Variants in IL1RAPL2 observed in about 807,000 individuals in gnomAD.
IL1RAPL2 encodes X-linked interleukin-1 receptor accessory protein-like 2.
Under a neutral mutation model 44.1 loss-of-function variants are expected in IL1RAPL2, and 3 were observed. The observed-to-expected ratio is 0.07, with a 90% CI of 0.03 to 0.18. The LOEUF (loss-of-function observed/expected upper bound fraction) is 0.18, where lower values mean the gene tolerates loss of function less well. Among genes scored for constraint, IL1RAPL2 ranks in the 10% least tolerant of loss-of-function variants. The pLI, the probability that IL1RAPL2 is intolerant of heterozygous loss-of-function variation, is 1.00. For missense variants in IL1RAPL2, 391 were observed against 496.4 expected (o/e 0.79, Z 2.02); for synonymous variants, 181 against 178.8 (o/e 1.01, Z -0.10).
chrX:105,076,663 A>G (rs1463885330), intron 2 of IL1RAPL2, among the ~76,000 whole-genome samples: 1 of 110,760 alleles, frequency 9.0e-6, no homozygotes, highest in Non-Finnish European at 1.9e-5. Flanking sequence ...TCCCATTATT[A>G]TTGTGTGGTG....
intron 2 of IL1RAPL2, among the ~76,000 whole-genome samples, chrX:104,700,484 T>C (rs1931256587): frequency 8.9e-6 from 1 of 112,120 alleles, no homozygotes; most frequent in African/African-American, 3.2e-5. Context: ...TGACTCTAGT[T>C]TTACGGCATG....
Position 104,950,921 on chromosome X carries a change from G to A in IL1RAPL2, c.83-244554G>A, listed in dbSNP as rs1230139459. On this transcript the variant is annotated intron_variant, in intron 2 of 10. Transcript: ENST00000372582. Reference sequence around the variant, plus strand: ...GCCCGTTTGAAAAGCGCAGTATTTGGGTGGGAGTGACCTGATTTTCCAGGT... The same window carrying A: ...GCCCGTTTGAAAAGCGCAGTATTTGAGTGGGAGTGACCTGATTTTCCAGGT... Among the ~76,000 whole-genome samples, 50 of 111,191 alleles carry A rather than the reference G, an allele frequency of 4.5e-4. 2 individuals are homozygous for A.
intron 2 of IL1RAPL2, among the ~76,000 whole-genome samples, chrX:104,918,696 T>C (rs777818150): frequency 3.6e-5 from 4 of 111,988 alleles, no homozygotes; most frequent in African/African-American, 1.3e-4. Context: ...TGACTAGTAA[T>C]TCTCAATATG....
chrX:105,175,931 C>A (rs1359879151), intron 2 of IL1RAPL2, among the ~76,000 whole-genome samples: 4 of 110,294 alleles, frequency 3.6e-5, no homozygotes, highest in Non-Finnish European at 7.6e-5. Flanking sequence ...ATGGTATGAC[C>A]ATTTAGTTAT....
At chrX:105,150,367 C>T (rs1048585706) in intron 2 of IL1RAPL2, among the ~76,000 whole-genome samples, 10 of 111,784 alleles carry the variant, frequency 8.9e-5, no homozygotes, top group African/African-American at 3.3e-4. Context: ...TTCCACTAGG[C>T]CCATTGAGGG....
intron 2 of IL1RAPL2, among the ~76,000 whole-genome samples, chrX:105,006,830 G>A (rs1402524526): frequency 2.7e-5 from 3 of 111,348 alleles, no homozygotes; most frequent in Non-Finnish European, 5.7e-5. Context: ...CACATAGGTA[G>A]GATAACTGCA....
At chrX:104,938,615 T>G (rs951766032) in intron 2 of IL1RAPL2, among the ~76,000 whole-genome samples, 1 of 111,037 alleles carries the variant, frequency 9.0e-6, no homozygotes, top group African/African-American at 3.3e-5. Flanking sequence ...CCCTTTTGTT[T>G]TCTGCTCTAG....
intron 2 of IL1RAPL2, among the ~76,000 whole-genome samples, chrX:104,661,884 C>T (rs954442141): frequency 9.0e-6 from 1 of 111,512 alleles, no homozygotes; most frequent in East Asian, 2.8e-4. Context: ...AAATGAAAAA[C>T]GATTGCACCC....
At chrX:105,112,949 T>C (rs1038397229) in intron 2 of IL1RAPL2, among the ~76,000 whole-genome samples, 2 of 112,786 alleles carry the variant, frequency 1.8e-5, no homozygotes, top group Non-Finnish European at 3.7e-5. Flanking sequence ...CCAGGCCTAC[T>C]TTAGAAGTGT....
At chrX:105,620,145 C>T (rs2037409363) in intron 6 of IL1RAPL2, among the ~76,000 whole-genome samples, 1 of 111,271 alleles carries the variant, frequency 9.0e-6, no homozygotes, top group Admixed American at 9.6e-5. Flanking sequence ...AAAGAGTCCT[C>T]ATTAAAATGA....
intron 6 of IL1RAPL2, among the ~76,000 whole-genome samples, chrX:105,567,713 T>C (rs1016356993): frequency 8.9e-6 from 1 of 111,851 alleles, no homozygotes; most frequent in Admixed American, 9.5e-5. Flanking sequence ...GGAAGACTGA[T>C]ATATAAAATC....
chrX:105,077,392 A>G (rs940615996), intron 2 of IL1RAPL2, among the ~76,000 whole-genome samples: 32 of 112,114 alleles, frequency 2.9e-4, no homozygotes, highest in African/African-American at 9.1e-4. Context: ...TCTGGCTTGT[A>G]GAGTTTCTGC....
chrX:105,239,524 T>C (rs977597462), intron 4 of IL1RAPL2, among the ~76,000 whole-genome samples: 2 of 111,415 alleles, frequency 1.8e-5, no homozygotes, highest in African/African-American at 3.3e-5. Flanking sequence ...TTCACCTACA[T>C]TGGGCCTTCA....
rs988115358 is a variant in IL1RAPL2, at chrX:105,049,281, A to G, written c.83-146194A>G. Reference sequence around the variant, plus strand: ...AAAATGCTGACATATCTTTGAAAATATTATAATCTTAGCTGGCACTATGAC... The same window carrying G: ...AAAATGCTGACATATCTTTGAAAATGTTATAATCTTAGCTGGCACTATGAC... On this transcript the variant is annotated intron_variant, in intron 2 of 10. Coordinates refer to ENST00000372582, the MANE Select transcript of IL1RAPL2 (RefSeq NM_017416.2). 5.4e-5 allele frequency among the ~76,000 whole-genome samples: 6 copies of G among 111,357 alleles called. 1 individual carries two copies. In the Admixed American group the frequency reaches 5.8e-4, roughly 11 times the overall value.
At chrX:105,662,775 G>A (rs2037730357) in intron 6 of IL1RAPL2, among the ~76,000 whole-genome samples, 1 of 111,651 alleles carries the variant, frequency 9.0e-6, no homozygotes, top group African/African-American at 3.3e-5. Context: ...AGAAACTGAG[G>A]CTTCCTGCTA....
chrX:105,240,529 G>A (rs934629524), intron 4 of IL1RAPL2, among the ~76,000 whole-genome samples: 1 of 111,848 alleles, frequency 8.9e-6, no homozygotes, highest in Non-Finnish European at 1.9e-5. Context: ...TGAGAAACCC[G>A]TATTCAAGAG....
chrX:105,550,159 A>C (rs7062623), intron 6 of IL1RAPL2, among the ~76,000 whole-genome samples: 1,610 of 111,962 alleles, frequency 0.014, 23 homozygotes, highest in African/African-American at 0.049. Context: ...AGGGAGAGGC[A>C]GGTGAATAGG....
At chrX:105,109,223 A>G (rs1297030438) in intron 2 of IL1RAPL2, among the ~76,000 whole-genome samples, 1 of 111,935 alleles carries the variant, frequency 8.9e-6, no homozygotes, top group Non-Finnish European at 1.9e-5. Context: ...CTTAAGTTTC[A>G]TGAAGGCCAG....
intron 2 of IL1RAPL2, among the ~76,000 whole-genome samples, chrX:104,910,113 T>A (rs1924184160): frequency 8.9e-6 from 1 of 112,117 alleles, no homozygotes; most frequent in South Asian, 3.8e-4. Flanking sequence ...GTGGCCTGAT[T>A]TTCCAGGTGC....
Sources: allele counts gnomAD v4.1 joint callset (sites outside exome capture counted in the v4.1 genomes callset), GRCh38; gene constraint gnomAD v4.1.1; transcripts MANE v1.5; gene names NCBI Gene and HGNC (gene_info 2026-07-23, HGNC 2026-07-21).